POU2F2: variants seen among roughly 807,000 people sequenced by gnomAD.
POU2F2 encodes POU domain, class 2, transcription factor 2.
A neutral mutation model predicts 63.5 loss-of-function variants in POU2F2; 14 were observed. That is an observed-to-expected ratio of 0.22 (90% CI 0.15 to 0.34). The LOEUF is 0.34. POU2F2 is among the 10% of genes least tolerant of loss of function. The pLI, the probability that POU2F2 is intolerant of heterozygous loss-of-function variation, is 1.00. For missense variants in POU2F2, 607 were observed against 815.2 expected (o/e 0.74, Z 3.11); for synonymous variants, 306 against 348.6 (o/e 0.88, Z 1.36).
intron 7 of POU2F2, among the ~76,000 whole-genome samples, chr19:42,098,493 AC>A: frequency 6.6e-6 from 1 of 151,246 alleles, no homozygotes; most frequent in Non-Finnish European, 1.5e-5. Flanking sequence ...CCCCACCCCC[AC>A]TAGGGTCAAG....
upstream of POU2F2, among the ~76,000 whole-genome samples, chr19:42,196,781 G>A (rs933330536): frequency 6.6e-6 from 1 of 152,272 alleles, no homozygotes; most frequent in Non-Finnish European, 1.5e-5. Context: ...CTGGAGGCGC[G>A]AGCCTCTGCC....
rs1225535622 is a variant in POU2F2, at chr19:42,090,437, A to T, written c.*820T>A. 1 of 152,470 alleles carries T rather than the reference A, an allele frequency of 6.6e-6. No individual in the cohort carries two copies. The highest frequency in any genetic ancestry group is 2.4e-5 in the African/African-American group (1 of 41,374). 9.4% of individuals were successfully genotyped at this position (152,470 alleles called of 1,614,324 possible). ...GGAAAAGAGGGAGGAACAGGGGATG[A>T]AAAGTTGTCCGCAGGCCTTCCCTTG... On this transcript the variant is annotated 3_prime_UTR_variant, in exon 15 of 15. Coordinates refer to ENST00000692977, the MANE Select transcript of POU2F2 (RefSeq NM_001394376.1). This position sits in a 1 kb window ranked among gnomAD's most constrained non-coding sequence, Gnocchi z 4.4.
At position 42,156,762 on chromosome 19, in the gene POU2F2, C is replaced by CG. The variant is rs1286129734; in HGVS notation, c.-9+3569_-9+3570insC. 6.6e-6 allele frequency: 1 copy of CG among 152,126 alleles called. No individual in the cohort carries two copies. Among genetic ancestry groups the CG allele is most frequent in the African/African-American group, 2.4e-5 (1 of 41,424 alleles). 9.4% of individuals were successfully genotyped at this position (152,126 alleles called of 1,614,324 possible). A position where few individuals can be genotyped will look rare whatever the true frequency, so the allele number is the denominator to read the frequency against. On this transcript the variant is annotated intron_variant, in intron 2 of 6. Transcript: ENST00000524801. This position sits in a 1 kb window ranked among gnomAD's most constrained non-coding sequence, Gnocchi z 4.1. ...CCTGCGCCTCCCATCCCAGGGCAGC[C>CG]CCCCCGCCATACCTACACTCTTGGC...
intron 2 of POU2F2, among the ~76,000 whole-genome samples, chr19:42,145,510 T>G (rs1439194058): frequency 6.6e-6 from 1 of 152,252 alleles, no homozygotes; most frequent in Non-Finnish European, 1.5e-5. Flanking sequence ...CTGTCATCGT[T>G]GAAGCAAACT....
At chr19:42,173,323 C>T (rs974325707) in intron 1 of POU2F2, among the ~76,000 whole-genome samples, 1 of 152,074 alleles carries the variant, frequency 6.6e-6, no homozygotes, top group Non-Finnish European at 1.5e-5. Flanking sequence ...GTCCAAGTAG[C>T]CCCTGGTGTG....
rs373198280 is a variant in POU2F2 at position 42,122,143 on chromosome 19, T to G, written c.169A>C (p.Thr57Pro). The change falls in exon 4 of 15, where the codon ACT becomes CCT. Residue 57 changes from threonine (T) to proline (P), a missense_variant. Thr to Pro is a conservative substitution (Grantham distance 38). This residue lies in a region of POU2F2 where 224 missense variants were observed against 264.3 expected (regional missense o/e 0.85). Coordinates refer to ENST00000692977, the MANE Select transcript of POU2F2 (RefSeq NM_001394376.1). ...GTGCTTACCTTTGTACTGGGGCCAG[T>G]TGGGGACACGGAGAATGGGGAGGTC... ...NKTSPFSVSP[T>P]GPSTKVGILS... 1.9e-6 allele frequency: 3 copies of G among 1,613,392 alleles called. No homozygotes were observed. In the African/African-American group the frequency reaches 4.0e-5, roughly 22 times the overall value.
rs376084845 is a variant in POU2F2, at chr19:42,196,383, C to CA, written c.-71_-70insT. 3.4e-3 allele frequency: 515 copies of CA among 152,378 alleles called. 3 individuals are homozygous for CA. The highest frequency in any genetic ancestry group is 7.2e-3 in the Admixed American group (110 of 15,296). The allele number at this position is 152,378 out of a possible 1,614,324, so 9.4% of individuals were successfully genotyped here. A position where few individuals can be genotyped will look rare whatever the true frequency, so the allele number is the denominator to read the frequency against. On this transcript the variant is annotated splice_region_variant and 5_prime_UTR_variant, in exon 1 of 6. Transcript: ENST00000532176. ...GTGGTGGCGGCACGTTCTCACTTACCTCTGACTCTGTCCGTCTTACTACAT... is the reference window on the plus strand; with the variant it reads ...GTGGTGGCGGCACGTTCTCACTTACCATCTGACTCTGTCCGTCTTACTACAT...
At chr19:42,176,825 G>T (rs574965377), upstream of POU2F2, among the ~76,000 whole-genome samples, 7 of 151,822 alleles carry the variant, frequency 4.6e-5, no homozygotes, top group African/African-American at 1.4e-4. Context: ...GCTGACAGCC[G>T]GAGCGCGGTG....
At chr19:42,147,276 T>C (rs1430920982) in intron 2 of POU2F2, among the ~76,000 whole-genome samples, 1 of 152,208 alleles carries the variant, frequency 6.6e-6, no homozygotes, top group African/African-American at 2.4e-5. Flanking sequence ...CTTTAAACCA[T>C]GCTCTTTGCA....
chr19:42,100,623 C>T (rs879820514), intron 5 of POU2F2, among the ~76,000 whole-genome samples: 6 of 151,886 alleles, frequency 4.0e-5, no homozygotes, highest in Non-Finnish European at 8.8e-5. Flanking sequence ...TGGTGGTACA[C>T]GCCTGTAGTC....
At chr19:42,108,060 C>T (rs142819875) in intron 5 of POU2F2, among the ~76,000 whole-genome samples, 2 of 152,346 alleles carry the variant, frequency 1.3e-5, no homozygotes, top group African/African-American at 4.8e-5. Context: ...CCTAGAGAGG[C>T]CTTCTCTGGC....
At chr19:42,125,654 C>G (rs2033131333) in intron 1 of POU2F2, among the ~76,000 whole-genome samples, 1 of 152,204 alleles carries the variant, frequency 6.6e-6, no homozygotes, top group African/African-American at 2.4e-5. Context: ...CCTAGCATCC[C>G]TAAAACTGCA....
chr19:42,092,212 A>G lies in POU2F2; in HGVS notation c.1323T>C (p.Gly441=). Residue 441 remains glycine (G), a synonymous_variant, in exon 13 of 15, where the codon GGT becomes GGC. Transcript: ENST00000692977. The surrounding 1 kb of genome is among the most constrained non-coding windows in gnomAD (Gnocchi z 5.0). ...TLHPSRTAGG[G]GGGGGAAPPL... is the part of the protein sequence containing the mutation. Reference sequence around the variant, plus strand: ...GGGGCGCAGCCCCGCCCCCGCCCCCACCCCCTCCAGCTGTCCGGCTGGGGT... The same window carrying G: ...GGGGCGCAGCCCCGCCCCCGCCCCCGCCCCCTCCAGCTGTCCGGCTGGGGT... The G allele has an allele frequency of 2.0e-6, 3 of 1,533,484 alleles. No individual in the cohort carries two copies. Among genetic ancestry groups the G allele is most frequent in the Non-Finnish European group, 2.7e-6 (3 of 1,131,800 alleles). 95.0% of individuals were successfully genotyped at this position (1,533,484 alleles called of 1,614,324 possible).
intron 2 of POU2F2, among the ~76,000 whole-genome samples, chr19:42,150,394 C>A (rs1337230404): frequency 6.0e-5 from 1 of 16,620 alleles, no homozygotes; most frequent in Non-Finnish European, 1.1e-4. Context: ...GCTGATCCTG[C>A]GGTGGGGGGA....
At chr19:42,176,656 G>A (rs1453891593), upstream of POU2F2, among the ~76,000 whole-genome samples, 1 of 116,084 alleles carries the variant, frequency 8.6e-6, no homozygotes. Flanking sequence ...TTCCATCCCT[G>A]CCCCCCGCCC....
intron 1 of POU2F2, among the ~76,000 whole-genome samples, chr19:42,167,627 G>T (rs2034679261): frequency 2.6e-5 from 4 of 152,220 alleles, no homozygotes; most frequent in Admixed American, 2.0e-4. Context: ...AGCTTCCAGA[G>T]CCAGGAGGGA....
chr19:42,192,552 C>T (rs78864738), intron 1 of POU2F2, among the ~76,000 whole-genome samples: 2 of 152,038 alleles, frequency 1.3e-5, no homozygotes, highest in African/African-American at 4.8e-5. Context: ...CGTATTTACC[C>T]TTGGTAATAA....
At chr19:42,143,905 A>G (rs2034179597) in intron 2 of POU2F2, among the ~76,000 whole-genome samples, 1 of 151,978 alleles carries the variant, frequency 6.6e-6, no homozygotes. Context: ...TACGTCCTCT[A>G]CCAGGTTGCA....
At position 42,104,108 on chromosome 19, in the gene POU2F2, T is replaced by A. The variant is rs557744889; in HGVS notation, c.370-4287A>T. ...GCCCAGTGAAATTAATGTGAACAGC[T>A]CTGGATGGAAATACACTCAGATTCA... On this transcript the variant is annotated intron_variant, in intron 5 of 14. Transcript: ENST00000692977. 1.4e-4 allele frequency among the ~76,000 whole-genome samples: 21 copies of A among 152,150 alleles called. No homozygotes were observed. The South Asian group carries it at 3.3e-3, about 24-fold the overall frequency.
Sources: gnomAD v4.1 joint callset for allele counts (sites outside exome capture counted in the v4.1 genomes callset) on GRCh38, gnomAD v4.1.1 for gene constraint, gnomAD v4.1.1 regional missense constraint, Gnocchi (gnomAD v3.1) non-coding constraint, MANE v1.5 for transcripts, NCBI Gene and HGNC (gene_info 2026-07-23, HGNC 2026-07-21) for gene names.